MACROD2: variants seen among roughly 807,000 people sequenced by gnomAD.
The protein encoded by MACROD2 is mono-ADP ribosylhydrolase 2, also known as ADP-ribose glycohydrolase MACROD2.
A neutral mutation model predicts 70.4 loss-of-function variants in MACROD2; 36 were observed. The ratio of observed to expected loss-of-function variants is 0.51; its 90% confidence interval spans 0.39 to 0.68. The LOEUF (loss-of-function observed/expected upper bound fraction) is 0.68. Ranked by LOEUF, MACROD2 falls within the 30% of genes least tolerant of loss-of-function variation. The pLI, the probability that MACROD2 is intolerant of heterozygous loss-of-function variation, is 0.00. For synonymous variants in MACROD2, 172 were observed against 178.8 expected, an observed-to-expected ratio of 0.96 and a Z score of 0.30; for missense variants, 496 against 538.4, an observed-to-expected ratio of 0.92 and a Z score of 0.78.
At chr20:16,013,102 C>G (rs2066884794) in intron 15 of MACROD2, among the ~76,000 whole-genome samples, 1 of 152,110 alleles carries the variant, frequency 6.6e-6, no homozygotes, top group Admixed American at 6.6e-5. Flanking sequence ...ATCACTTGAA[C>G]CCAGGAGGCA....
At chr20:16,047,724 G>A (rs1480983251) in intron 17 of MACROD2, among the ~76,000 whole-genome samples, 5 of 152,178 alleles carry the variant, frequency 3.3e-5, no homozygotes, top group African/African-American at 1.2e-4. Context: ...CAGGCCAGAT[G>A]GTAAAATCAT....
In MACROD2 at chr20:15,365,189, T is replaced by C. The variant is rs145840863; in HGVS notation, c.541-66216T>C. Among the ~76,000 whole-genome samples, 685 of 152,232 alleles carry C rather than the reference T, an allele frequency of 4.5e-3. 5 individuals are homozygous for C. Among genetic ancestry groups the C allele is most frequent in the African/African-American group, 0.015 (618 of 41,538 alleles). On this transcript the variant is annotated intron_variant, in intron 6 of 17. Coordinates refer to ENST00000684519, the MANE Select transcript of MACROD2 (RefSeq NM_001351661.2). The stretch of plus-strand genomic sequence containing the variant: ...TTGGGGCGGGGCGGGGGTCAGAAAT[T>C]TAAGGCAGATGTTTTAAATTAAAGT...
At chr20:14,464,603 T>G (rs2084416845) in intron 3 of MACROD2, among the ~76,000 whole-genome samples, 1 of 152,104 alleles carries the variant, frequency 6.6e-6, no homozygotes, top group African/African-American at 2.4e-5. Flanking sequence ...CTCTTGCTTC[T>G]CTAGTTCTTT....
At chr20:15,260,607 C>T (rs1279879749) in intron 6 of MACROD2, among the ~76,000 whole-genome samples, 1 of 151,786 alleles carries the variant, frequency 6.6e-6, no homozygotes, top group African/African-American at 2.4e-5. Flanking sequence ...ACACTGGTAT[C>T]CTTTCCTTTG....
chr20:14,621,045 G>C (rs997047125), intron 4 of MACROD2, among the ~76,000 whole-genome samples: 1 of 151,996 alleles, frequency 6.6e-6, no homozygotes, highest in Non-Finnish European at 1.5e-5. Context: ...AGTACAGAGC[G>C]TACTACTGAT....
chr20:15,313,930 A>AT (rs1203936629), intron 6 of MACROD2, among the ~76,000 whole-genome samples: 1 of 152,174 alleles, frequency 6.6e-6, no homozygotes, highest in African/African-American at 2.4e-5. Flanking sequence ...TTGTGTTATT[A>AT]TTTTTTCACT....
intron 7 of MACROD2, among the ~76,000 whole-genome samples, chr20:15,441,064 A>C (rs2046489002): frequency 6.6e-6 from 1 of 152,156 alleles, no homozygotes; most frequent in Non-Finnish European, 1.5e-5. Flanking sequence ...TTTGAATATC[A>C]CTTTATGAGC....
chr20:14,687,815 A>G (rs2071019448), intron 5 of MACROD2, among the ~76,000 whole-genome samples: 1 of 152,204 alleles, frequency 6.6e-6, no homozygotes, highest in African/African-American at 2.4e-5. Flanking sequence ...TTCTTCCTAT[A>G]TATTTAAAAG....
At chr20:15,612,711 C>A (rs541302408) in intron 8 of MACROD2, among the ~76,000 whole-genome samples, 2 of 152,190 alleles carry the variant, frequency 1.3e-5, no homozygotes, top group African/African-American at 4.8e-5. Flanking sequence ...CTGTTGTTTT[C>A]TTGTAGTCGT....
chr20:15,180,300 CT>C (rs1281605399), intron 5 of MACROD2, among the ~76,000 whole-genome samples: 2 of 152,066 alleles, frequency 1.3e-5, no homozygotes, highest in Non-Finnish European at 2.9e-5. Flanking sequence ...CCTGAAAATA[CT>C]TTTTTTTATC....
At chr20:16,014,506 G>A (rs2066904461) in intron 15 of MACROD2, among the ~76,000 whole-genome samples, 1 of 152,230 alleles carries the variant, frequency 6.6e-6, no homozygotes, top group South Asian at 2.1e-4. Context: ...TACTAGGTCA[G>A]ATTTTTCCCA....
intron 5 of MACROD2, among the ~76,000 whole-genome samples, chr20:15,184,369 A>G (rs1442781074): frequency 6.6e-6 from 1 of 151,214 alleles, no homozygotes; most frequent in Non-Finnish European, 1.5e-5. Flanking sequence ...GTTTTTACCT[A>G]TCAATATTTT....
At chr20:15,645,962 C>T (rs1197836392) in intron 8 of MACROD2, among the ~76,000 whole-genome samples, 1 of 152,126 alleles carries the variant, frequency 6.6e-6, no homozygotes, top group Non-Finnish European at 1.5e-5. Context: ...TTGCTGTTCA[C>T]AAATCCATAT....
At chr20:14,919,326 G>A (rs1198441610) in intron 5 of MACROD2, among the ~76,000 whole-genome samples, 1 of 152,172 alleles carries the variant, frequency 6.6e-6, no homozygotes, top group Non-Finnish European at 1.5e-5. Context: ...ATTTGGGATA[G>A]CTTATGATTG....
chr20:16,008,873 C>T (rs182040276), intron 15 of MACROD2, among the ~76,000 whole-genome samples: 115 of 152,224 alleles, frequency 7.6e-4, no homozygotes, highest in Non-Finnish European at 1.1e-3. Context: ...TGCTAATCTC[C>T]TCCCTTAGTC....
intron 3 of MACROD2, among the ~76,000 whole-genome samples, chr20:14,262,133 TA>T (rs2082106321): frequency 6.6e-6 from 1 of 152,146 alleles, no homozygotes; most frequent in African/African-American, 2.4e-5. Context: ...AAATGAAATG[TA>T]AGATGTGCAG....
intron 9 of MACROD2, among the ~76,000 whole-genome samples, chr20:15,876,418 C>G (rs2064674815): frequency 1.3e-5 from 2 of 152,084 alleles, no homozygotes. Flanking sequence ...CCAGCTTCAT[C>G]CATGTCCCTA....
chr20:15,262,235 C>T (rs1333828094), intron 6 of MACROD2, among the ~76,000 whole-genome samples: 6 of 151,962 alleles, frequency 3.9e-5, no homozygotes, highest in Admixed American at 3.9e-4. Context: ...CATCATTCTA[C>T]TCTATCTGCA....
intron 5 of MACROD2, among the ~76,000 whole-genome samples, chr20:14,908,426 G>A (rs1455975626): frequency 1.3e-5 from 2 of 152,084 alleles, no homozygotes; most frequent in African/African-American, 4.8e-5. Flanking sequence ...AGGCCGAGGT[G>A]GGCAGATCAC....
Sources: allele counts gnomAD v4.1 joint callset (sites outside exome capture counted in the v4.1 genomes callset), GRCh38; gene constraint gnomAD v4.1.1; transcripts MANE v1.5; gene names NCBI Gene and HGNC (gene_info 2026-07-23, HGNC 2026-07-21).